The following WLS variants were observed in gnomAD, a reference collection of about 807,000 sequenced individuals.
WLS encodes Wnt ligand secretion mediator.
A neutral mutation model predicts 62.8 loss-of-function variants in WLS; 23 were observed. The observed-to-expected ratio is 0.37, with a 90% CI of 0.26 to 0.52. WLS has a LOEUF of 0.52. WLS is among the 20% of genes least tolerant of loss of function. The pLI, the probability that WLS is intolerant of heterozygous loss-of-function variation, is 0.92. For missense variants in WLS, 615 were observed against 697.3 expected, an observed-to-expected ratio of 0.88 and a Z score of 1.33; for synonymous variants, 246 against 244.1, an observed-to-expected ratio of 1.01 and a Z score of -0.07.
At chr1:68,131,480 G>C (rs868241620) in intron 11 of WLS, among the ~76,000 whole-genome samples, 2 of 151,666 alleles carry the variant, frequency 1.3e-5, no homozygotes, top group Admixed American at 6.6e-5. Flanking sequence ...TGGTGGACAG[G>C]GTTAAGAGCC....
At position 68,126,344 on chromosome 1, in the gene WLS, G is replaced by T. The variant is rs763831599; in HGVS notation, c.1517-9C>A. ...ATGGACACCCAGATCGCCTGAAACA[G>T]GGTTTTCGGTGTTAGATGCATTCAA... On this transcript the variant is annotated splice_polypyrimidine_tract_variant and intron_variant, in intron 11 of 11. Coordinates refer to ENST00000262348, the MANE Select transcript of WLS (RefSeq NM_024911.7). The T allele has an allele frequency of 5.6e-6, 9 of 1,613,944 alleles. No homozygotes were observed. The East Asian group carries it at 2.0e-4, about 36-fold the overall frequency.
At chr1:68,104,747 C>T (rs919230651) in intron 11 of WLS, among the ~76,000 whole-genome samples, 1 of 152,138 alleles carries the variant, frequency 6.6e-6, no homozygotes, top group African/African-American at 2.4e-5. Context: ...GACCTCATCT[C>T]TACTAAAAAT....
chr1:68,195,864 G>A (rs1648632562), intron 1 of WLS, among the ~76,000 whole-genome samples: 1 of 152,064 alleles, frequency 6.6e-6, no homozygotes, highest in Middle Eastern at 3.4e-3. Context: ...TATAAGAGAT[G>A]CAGTGAGGTT....
At position 68,100,719 on chromosome 1, in the gene WLS, G is replaced by A. The variant is rs563573900; in HGVS notation, c.1511-1966C>T. 9.2e-5 allele frequency: 14 copies of A among 152,210 alleles called. 1 individual carries two copies. In the South Asian group the frequency reaches 2.7e-3, roughly 29 times the overall value. The allele number at this position is 152,210 out of a possible 1,614,324, so 9.4% of individuals were successfully genotyped here. A position where few individuals can be genotyped will look rare whatever the true frequency, so the allele number is the denominator to read the frequency against. Reference sequence around the variant, plus strand: ...ACAGAGATCATAAGGCTGTCGGAATGGACTCTTTGTGGCAATAAGATACCA... The same window carrying A: ...ACAGAGATCATAAGGCTGTCGGAATAGACTCTTTGTGGCAATAAGATACCA... On this transcript the variant is annotated intron_variant, in intron 11 of 11. Coordinates refer to the WLS transcript ENST00000354777.
chr1:68,126,734 G>A (rs552218804), intron 11 of WLS, among the ~76,000 whole-genome samples: 1 of 152,304 alleles, frequency 6.6e-6, no homozygotes, highest in African/African-American at 2.4e-5. Flanking sequence ...AGATGAGGAA[G>A]CTGGGAGGTA....
intron 2 of WLS, among the ~76,000 whole-genome samples, chr1:68,193,032 G>A (rs183493062): frequency 5.3e-5 from 8 of 150,666 alleles, no homozygotes; most frequent in East Asian, 2.0e-4. Context: ...TCACTTGAAC[G>A]CGGGAGGCGG....
chr1:68,227,242 AC>A (rs1320520890), intron 1 of WLS, among the ~76,000 whole-genome samples: 6 of 151,934 alleles, frequency 3.9e-5, no homozygotes, highest in Non-Finnish European at 8.8e-5. Context: ...ACCTGGTGAA[AC>A]CCCGTCTCTA....
intron 11 of WLS, among the ~76,000 whole-genome samples, chr1:68,118,978 G>C (rs1307412922): frequency 1.3e-5 from 2 of 150,426 alleles, no homozygotes; most frequent in Non-Finnish European, 2.9e-5. Context: ...TAGTTCTTAG[G>C]AATTGATACT....
At chr1:68,112,484 T>C (rs1646240640) in intron 11 of WLS, among the ~76,000 whole-genome samples, 1 of 152,148 alleles carries the variant, frequency 6.6e-6, no homozygotes, top group Non-Finnish European at 1.5e-5. Flanking sequence ...CGGTTCCAAG[T>C]TGCTTTTCTA....
chr1:68,153,789 G>T, intron 4 of WLS, 136 bp from the exon 5 acceptor site: 1 of 1,143,830 alleles, frequency 8.7e-7, no homozygotes, highest in South Asian at 1.5e-5. Context: ...CACATTCATA[G>T]CAGGTACTGC....
At chr1:68,127,233 C>A in intron 11 of WLS, 1 of 208,818 alleles carries the variant, frequency 4.8e-6, no homozygotes, top group Non-Finnish European at 1.0e-5. Context: ...ATCTATGTCA[C>A]GTGAAAGCAA....
At chr1:68,162,136 G>A (rs1557487268) in intron 2 of WLS, 2 of 1,504,416 alleles carry the variant, frequency 1.3e-6, no homozygotes, top group East Asian at 2.3e-5. Context: ...AGTGTGAGGA[G>A]TGCAGATAAG....
intron 2 of WLS, among the ~76,000 whole-genome samples, chr1:68,193,663 T>C (rs1441441762): frequency 6.6e-6 from 1 of 152,124 alleles, no homozygotes; most frequent in Non-Finnish European, 1.5e-5. Flanking sequence ...AGGGCAGTTT[T>C]CTGAGTCAGA....
rs142227657 is a variant in WLS, at chr1:68,106,912, T to C, written c.1511-8159A>G. 1.6e-3 allele frequency among the ~76,000 whole-genome samples: 239 copies of C among 152,278 alleles called. 2 individuals carry two copies. The highest frequency in any genetic ancestry group is 5.5e-3 in the African/African-American group (227 of 41,550). ...GGACACTGTCAAGAGGAAATTCCCT[T>C]AAAAGAACTAAATGTATACCTTACT... On this transcript the variant is annotated intron_variant, in intron 11 of 11. Coordinates refer to the WLS transcript ENST00000354777.
chr1:68,194,038 G>C lies in WLS; in HGVS notation c.296C>G (p.Pro99Arg), dbSNP rs767595399. 3.1e-6 allele frequency: 5 copies of C among 1,614,154 alleles called. No homozygotes were observed. In the South Asian group the frequency reaches 5.5e-5, roughly 18 times the overall value. The change falls in exon 2 of 12, where the codon CCC becomes CGC. Residue 99 changes from proline (P) to arginine (R), a missense_variant. Coordinates refer to ENST00000262348, the MANE Select transcript of WLS (RefSeq NM_024911.7). ...GAACCAAGGACTCATCTCCATGTGG[G>C]GGAGGGGAATGTGAACAGAAAACAC... is the stretch of plus-strand genomic sequence containing the variant. ...DIVFSVHIPL[P>R]HMEMSPWFQF...
intron 2 of WLS, chr1:68,162,828 G>T (rs1195795813): frequency 5.0e-5 from 64 of 1,283,322 alleles, no homozygotes; most frequent in Non-Finnish European, 7.2e-5. Context: ...GGTCCTCCCT[G>T]GTGAGGATGA....
At chr1:68,143,782 G>A (rs534070731) in intron 10 of WLS, among the ~76,000 whole-genome samples, 24 of 152,262 alleles carry the variant, frequency 1.6e-4, no homozygotes, top group Admixed American at 1.4e-3. Flanking sequence ...ATTACTTCCT[G>A]TAGTCATTAC....
At chr1:68,108,390 C>T (rs563158662) in intron 11 of WLS, among the ~76,000 whole-genome samples, 1 of 152,274 alleles carries the variant, frequency 6.6e-6, no homozygotes, top group South Asian at 2.1e-4. Flanking sequence ...ATGTTTATGT[C>T]AAGGATTGTC....
At chr1:68,113,164 C>A (rs1235452902) in intron 11 of WLS, among the ~76,000 whole-genome samples, 1 of 152,210 alleles carries the variant, frequency 6.6e-6, no homozygotes, top group Admixed American at 6.5e-5. Context: ...TTACTCATAT[C>A]CTGAGTCATC....
Sources: gnomAD v4.1 joint callset for allele counts (sites outside exome capture counted in the v4.1 genomes callset) on GRCh38, gnomAD v4.1.1 for gene constraint, MANE v1.5 for transcripts, NCBI Gene and HGNC (gene_info 2026-07-23, HGNC 2026-07-21) for gene names.